ALK: variants seen among roughly 807,000 people sequenced by gnomAD.
ALK encodes ALK receptor tyrosine kinase, also known as ALK tyrosine kinase receptor.
A neutral mutation model predicts 163.1 loss-of-function variants in ALK; 74 were observed. The observed-to-expected ratio is 0.45, with a 90% confidence interval of 0.38 to 0.55. The LOEUF is 0.55. ALK is among the 20% of genes least tolerant of loss of function. The pLI, the probability that ALK is intolerant of heterozygous loss-of-function variation, is 0.00. For missense variants in ALK, 2,063 were observed against 2,105.3 expected (o/e 0.98, Z 0.39); for synonymous variants, 960 against 843.2 (o/e 1.14, Z -2.40).
At chr2:29,272,070 G>T (rs1176761763) in intron 11 of ALK, among the ~76,000 whole-genome samples, 2 of 151,702 alleles carry the variant, frequency 1.3e-5, no homozygotes, top group Non-Finnish European at 2.9e-5. Context: ...AAAGAGTGTG[G>T]CAGAGCCTGA....
At chr2:29,569,911 C>A (rs971896566) in intron 3 of ALK, among the ~76,000 whole-genome samples, 11 of 152,218 alleles carry the variant, frequency 7.2e-5, no homozygotes, top group African/African-American at 2.4e-4. Flanking sequence ...GATCACAGAG[C>A]CTCCAGCTCA....
intron 3 of ALK, among the ~76,000 whole-genome samples, chr2:29,576,887 G>T (rs1233826054): frequency 6.6e-6 from 1 of 151,836 alleles, no homozygotes; most frequent in Non-Finnish European, 1.5e-5. Context: ...CCATCTAGTT[G>T]CAGGAAAACA....
intron 4 of ALK, among the ~76,000 whole-genome samples, chr2:29,483,594 G>A (rs957580532): frequency 2.6e-4 from 39 of 152,126 alleles, no homozygotes; most frequent in African/African-American, 9.2e-4. Context: ...TTTTAATTGT[G>A]AAATATTTTT....
At chr2:29,231,935 C>A (rs1210248852) in intron 15 of ALK, among the ~76,000 whole-genome samples, 2 of 152,152 alleles carry the variant, frequency 1.3e-5, no homozygotes, top group Non-Finnish European at 2.9e-5. Flanking sequence ...GTCTAGGAGG[C>A]CTGACATTGC....
intron 1 of ALK, among the ~76,000 whole-genome samples, chr2:29,867,358 C>G (rs1369532879): frequency 6.6e-6 from 1 of 152,106 alleles, no homozygotes; most frequent in Non-Finnish European, 1.5e-5. Context: ...GAACCATAAC[C>G]AAAATAGTCA....
intron 1 of ALK, among the ~76,000 whole-genome samples, chr2:29,847,142 T>C (rs1017206989): frequency 6.6e-6 from 1 of 152,084 alleles, no homozygotes; most frequent in Admixed American, 6.5e-5. Context: ...AGAAGCCGTG[T>C]TCCCAGGGGC....
intron 1 of ALK, among the ~76,000 whole-genome samples, chr2:29,764,956 G>C (rs1283760349): frequency 1.3e-5 from 2 of 152,154 alleles, no homozygotes; most frequent in Admixed American, 6.5e-5. Context: ...TCATGCTAGT[G>C]AGTGAGTTCT....
At chr2:29,220,922 A>T in intron 22 of ALK, 87 bp from the exon 23 acceptor site, 1 of 1,573,622 alleles carries the variant, frequency 6.4e-7, no homozygotes, top group East Asian at 2.2e-5. Context: ...ACAAAGTTAC[A>T]TTTTCAGCAG....
At chr2:29,475,665 G>T (rs1166314004) in intron 4 of ALK, among the ~76,000 whole-genome samples, 1 of 152,074 alleles carries the variant, frequency 6.6e-6, no homozygotes, top group African/African-American at 2.4e-5. Context: ...GACCCCCTGG[G>T]GCCAATCTCC....
intron 4 of ALK, among the ~76,000 whole-genome samples, chr2:29,506,676 G>A (rs187338224): frequency 5.3e-4 from 81 of 152,144 alleles, no homozygotes; most frequent in Admixed American, 9.8e-4. Context: ...AACCCAGGAG[G>A]CAGAGCTTGC....
intron 3 of ALK, among the ~76,000 whole-genome samples, chr2:29,668,253 T>C (rs1265955323): frequency 1.3e-5 from 2 of 152,048 alleles, no homozygotes; most frequent in Non-Finnish European, 2.9e-5. Context: ...TTCTGTATTT[T>C]TTTAGTCTCA....
intron 4 of ALK, among the ~76,000 whole-genome samples, chr2:29,388,522 T>A (rs1485144025): frequency 6.6e-6 from 1 of 152,212 alleles, no homozygotes; most frequent in Non-Finnish European, 1.5e-5. Flanking sequence ...AGCTACGACC[T>A]TAGGCAAATG....
intron 5 of ALK, among the ~76,000 whole-genome samples, chr2:29,346,557 T>C (rs776637808): frequency 6.6e-6 from 1 of 152,250 alleles, no homozygotes; most frequent in Admixed American, 6.5e-5. Flanking sequence ...TGTAGACCCA[T>C]ATTTCTGACA....
intron 11 of ALK, among the ~76,000 whole-genome samples, chr2:29,269,892 T>C (rs1448244548): frequency 6.6e-6 from 1 of 152,186 alleles, no homozygotes; most frequent in Non-Finnish European, 1.5e-5. Context: ...TTAGCTGCAA[T>C]TATCAGCTTT....
chr2:29,750,836 C>A (rs551637842), intron 1 of ALK, among the ~76,000 whole-genome samples: 177 of 151,948 alleles, frequency 1.2e-3, no homozygotes, highest in African/African-American at 4.0e-3. Flanking sequence ...TTTTGGGAGG[C>A]CAAGGTGGGT....
At chr2:29,687,282 C>T (rs1678267022) in intron 3 of ALK, among the ~76,000 whole-genome samples, 1 of 151,582 alleles carries the variant, frequency 6.6e-6, no homozygotes, top group Admixed American at 6.6e-5. Context: ...AAGGATAAGC[C>T]AAGCAGAAAG....
At chr2:29,759,332 A>G (rs1265648524) in intron 1 of ALK, among the ~76,000 whole-genome samples, 1 of 152,218 alleles carries the variant, frequency 6.6e-6, no homozygotes, top group Non-Finnish European at 1.5e-5. Context: ...AAGTAATAAT[A>G]AAACAGTCAA....
chr2:29,777,941 A>G (rs1440665395), intron 1 of ALK, among the ~76,000 whole-genome samples: 1 of 152,172 alleles, frequency 6.6e-6, no homozygotes, highest in Non-Finnish European at 1.5e-5. Flanking sequence ...GAGCCATCCC[A>G]ATACACCAGT....
At chr2:29,903,585 T>A (rs889072549) in intron 1 of ALK, among the ~76,000 whole-genome samples, 3 of 152,168 alleles carry the variant, frequency 2.0e-5, no homozygotes, top group Admixed American at 1.3e-4. Context: ...AATTGATTGA[T>A]TGCCTCTGTT....
Sources: gnomAD v4.1 joint callset for allele counts (sites outside exome capture counted in the v4.1 genomes callset) on GRCh38, gnomAD v4.1.1 for gene constraint, MANE v1.5 for transcripts, NCBI Gene and HGNC (gene_info 2026-07-23, HGNC 2026-07-21) for gene names.